The following OR2T1 variants were observed in gnomAD, a reference collection of about 807,000 sequenced individuals.
OR2T1 encodes the protein olfactory receptor 2T1.
For missense variants in OR2T1, 440 were observed against 390.2 expected (o/e 1.13, Z -1.07); for synonymous variants, 186 against 145.4 (o/e 1.28, Z -2.01).
At chr1:248,404,245 G>GGCTATTACATATACGTGTGTGTGTATA in intron 1 of OR2T1, among the ~76,000 whole-genome samples, 21 of 151,070 alleles carry the variant, frequency 1.4e-4, no homozygotes, top group South Asian at 2.1e-4. Flanking sequence ...AGACAGCAGA[G>GGCTATTACATATACGTGTGTGTGTATA]ACCACTGTTT....
rs1431306607 is a variant in OR2T1, at chr1:248,407,982, T to C, written c.*878T>C. 1 of 152,300 alleles carries C rather than the reference T, an allele frequency of 6.6e-6. No individual in the cohort carries two copies. Among genetic ancestry groups the C allele is most frequent in the African/African-American group, 2.4e-5 (1 of 41,466 alleles). The allele number at this position is 152,300 out of a possible 1,614,324, so 9.4% of individuals were successfully genotyped here. A position where few individuals can be genotyped will look rare whatever the true frequency, so the allele number is the denominator to read the frequency against. ...GTACAGGACAACTTGGGGCTTTTAA[T>C]TGGCACTGGAAATGGAAGGCAGTGT... On this transcript the variant is annotated 3_prime_UTR_variant, in exon 2 of 2. Transcript: ENST00000642005.
chr1:248,405,765 C>A (rs1051972641), intron 1 of OR2T1, among the ~76,000 whole-genome samples: 3 of 152,160 alleles, frequency 2.0e-5, no homozygotes, highest in African/African-American at 4.8e-5. Flanking sequence ...AATAATAATA[C>A]AAATTTAAAT....
intron 1 of OR2T1, among the ~76,000 whole-genome samples, chr1:248,405,556 T>G (rs1183075750): frequency 6.6e-6 from 1 of 152,198 alleles, no homozygotes; most frequent in Non-Finnish European, 1.5e-5. Flanking sequence ...TCTGTTGCCC[T>G]TTTTATTTCA....
In OR2T1 at chr1:248,406,827, T is replaced by C; in HGVS notation, c.680T>C (p.Met227Thr). Residue 227 changes from methionine (M) to threonine (T), a missense_variant, in exon 2 of 2, where the codon ATG (methionine) becomes ACG (threonine). Coordinates refer to ENST00000642005, the MANE Select transcript of OR2T1 (RefSeq NM_030904.2). Reference sequence around the variant, plus strand: ...CGAATCCTGACTACAGTTCAGTGCATGAGCTCAGTGGAGGGCAGGAAGAAG... The same window carrying C: ...CGAATCCTGACTACAGTTCAGTGCACGAGCTCAGTGGAGGGCAGGAAGAAG... Reference protein sequence around the residue: ...YARILTTVQCMSSVEGRKKAF... With the variant: ...YARILTTVQCTSSVEGRKKAF... The C allele has an allele frequency of 6.2e-7, 1 of 1,614,184 alleles. No homozygotes were observed. Among genetic ancestry groups the C allele is most frequent in the Middle Eastern group, 1.7e-4 (1 of 6,060 alleles).
chr1:248,405,835 G>C (rs1661541843), intron 1 of OR2T1, among the ~76,000 whole-genome samples: 1 of 152,192 alleles, frequency 6.6e-6, no homozygotes. Context: ...CTGCTGTGTA[G>C]CATGGTATGC....
rs1478605271 is a variant in OR2T1 at position 248,407,344 on chromosome 1, C to T, written c.*240C>T. Reference sequence around the variant, plus strand: ...CTTTTCACCTGCTTCTTTTTCTCCCCAAAGAAAGCCTTAGAAACTAAAAAT... The same window carrying T: ...CTTTTCACCTGCTTCTTTTTCTCCCTAAAGAAAGCCTTAGAAACTAAAAAT... On this transcript the variant is annotated 3_prime_UTR_variant, in exon 2 of 2. Transcript: ENST00000642005. 2.3e-6 allele frequency: 1 copy of T among 432,664 alleles called. No homozygotes were observed. The highest frequency in any genetic ancestry group is 4.0e-6 in the Non-Finnish European group (1 of 247,988). The allele number at this position is 432,664 out of a possible 1,614,324, so 26.8% of individuals were successfully genotyped here.
chr1:248,405,383 T>G (rs183440441), intron 1 of OR2T1, among the ~76,000 whole-genome samples: 10 of 152,296 alleles, frequency 6.6e-5, no homozygotes, highest in Admixed American at 4.6e-4. Flanking sequence ...CTCTGAATAT[T>G]AATTGCTAAT....
At position 248,406,389 on chromosome 1, in the gene OR2T1, T is replaced by C; in HGVS notation, c.242T>C (p.Leu81Pro). 6.2e-7 allele frequency: 1 copy of C among 1,614,178 alleles called. No individual in the cohort carries two copies. Among genetic ancestry groups the C allele is most frequent in the Non-Finnish European group, 8.5e-7 (1 of 1,180,016 alleles). ...ATTTCCACTATTGTGCCTAAGATGC[T>C]GGTTAATTACCTGCTGGATCAAAGG... ...MYISTIVPKM[L>P]VNYLLDQRTI... Residue 81 changes from leucine (L) to proline (P), a missense_variant, in exon 2 of 2, where the codon CTG becomes CCG. Physicochemically the swap from Leu to Pro is moderately conservative, Grantham distance 98. Transcript: ENST00000642005.
chr1:248,404,740 C>T (rs1661519888), intron 1 of OR2T1, among the ~76,000 whole-genome samples: 1 of 151,994 alleles, frequency 6.6e-6, no homozygotes, highest in African/African-American at 2.4e-5. Flanking sequence ...AGCAGGTTCA[C>T]ATGCTTGGTA....
At chr1:248,405,352 T>C (rs929773509) in intron 1 of OR2T1, among the ~76,000 whole-genome samples, 2 of 152,300 alleles carry the variant, frequency 1.3e-5, no homozygotes, top group South Asian at 2.1e-4. Context: ...TAGCTCAATG[T>C]TTACGTCCCT....
rs1343860353 is a variant in OR2T1, at chr1:248,403,180, C to CT, written c.-96dup. The CT allele has an allele frequency of 5.3e-5, 8 of 152,110 alleles. No individual in the cohort carries two copies. Among genetic ancestry groups the CT allele is most frequent in the Admixed American group, 4.6e-4 (7 of 15,246 alleles). The allele number at this position is 152,110 out of a possible 1,614,324, so 9.4% of individuals were successfully genotyped here. A position where few individuals can be genotyped will look rare whatever the true frequency, so the allele number is the denominator to read the frequency against. ...AAGGATACTTGGGGGAAAAGATAGA[C>CT]TTTAACTGCTGATGTAACTTCACTG... On this transcript the variant is annotated 5_prime_UTR_variant, in exon 1 of 2. Transcript: ENST00000642005.
At position 248,407,060 on chromosome 1, in the gene OR2T1, G is replaced by C; in HGVS notation, c.913G>C (p.Gly305Arg). 2 of 1,612,520 alleles carry C rather than the reference G, an allele frequency of 1.2e-6. No homozygotes were observed. The highest frequency in any genetic ancestry group is 1.7e-6 in the Non-Finnish European group (2 of 1,179,180). ...GACTGGAGCTCTGAAGAGGGCCTTG[G>C]GGAGGTTCAAGGGTCCTCAAAGGGT... The part of the protein sequence containing the change: ...DVTGALKRAL[G>R]RFKGPQRVSG... The change falls in exon 2 of 2, where the codon GGG (glycine) becomes CGG (arginine). Residue 305 changes from glycine (G) to arginine (R), a missense_variant. By Grantham distance (125) the Gly-to-Arg change is moderately radical. Transcript: ENST00000642005.
In OR2T1 at chr1:248,407,311, C is replaced by T. The variant is rs1661584463; in HGVS notation, c.*207C>T. 2 of 444,824 alleles carry T rather than the reference C, an allele frequency of 4.5e-6. No homozygotes were observed. The highest frequency in any genetic ancestry group is 7.8e-6 in the Non-Finnish European group (2 of 255,308). 27.6% of individuals were successfully genotyped at this position (444,824 alleles called of 1,614,324 possible). ...ACTGAATCTCTCTCTGTGATCTTCGCCTTCCCTCTTTTCACCTGCTTCTTT... is the reference window on the plus strand; with the variant it reads ...ACTGAATCTCTCTCTGTGATCTTCGTCTTCCCTCTTTTCACCTGCTTCTTT... On this transcript the variant is annotated 3_prime_UTR_variant, in exon 2 of 2. Coordinates refer to ENST00000642005, the MANE Select transcript of OR2T1 (RefSeq NM_030904.2).
chr1:248,404,195 CGT>C (rs140057819), intron 1 of OR2T1, among the ~76,000 whole-genome samples: 17 of 27,098 alleles, frequency 6.3e-4, no homozygotes, highest in South Asian at 1.2e-3. Flanking sequence ...ATTACATATA[CGT>C]GTGTGTGTGT....
Position 248,407,981 on chromosome 1 carries a change from A to T in OR2T1, c.*877A>T, listed in dbSNP as rs369329182. ...AGTACAGGACAACTTGGGGCTTTTA[A>T]TTGGCACTGGAAATGGAAGGCAGTG... is the stretch of plus-strand genomic sequence containing the variant. On this transcript the variant is annotated 3_prime_UTR_variant, in exon 2 of 2. Coordinates refer to ENST00000642005, the MANE Select transcript of OR2T1 (RefSeq NM_030904.2). 7.9e-5 allele frequency: 12 copies of T among 152,412 alleles called. No individual in the cohort carries two copies. The East Asian group carries it at 2.3e-3, about 29-fold the overall frequency. 9.4% of individuals were successfully genotyped at this position (152,412 alleles called of 1,614,324 possible).
At position 248,406,692 on chromosome 1, in the gene OR2T1, C is replaced by G. The variant is rs1388417607; in HGVS notation, c.545C>G (p.Ala182Gly). The change falls in exon 2 of 2, where the codon GCA becomes GGA. Residue 182 changes from alanine (A) to glycine (G), a missense_variant. Ala to Gly is a moderately conservative substitution (Grantham distance 60, BLOSUM62 0). Transcript: ENST00000642005. ...EINHFFCEAPAVLKLACADTA... is the reference protein window; with the variant it reads ...EINHFFCEAPGVLKLACADTA... ...AACCACTTCTTCTGTGAGGCACCAG[C>G]AGTCCTGAAGTTGGCATGTGCAGAC... 6.2e-7 allele frequency: 1 copy of G among 1,614,104 alleles called. No individual in the cohort carries two copies. The highest frequency in any genetic ancestry group is 1.7e-5 in the Admixed American group (1 of 60,012).
chr1:248,406,520 A>C lies in OR2T1; in HGVS notation c.373A>C (p.Ile125Leu), dbSNP rs1661561256. The change falls in exon 2 of 2, where the codon ATT (isoleucine) becomes CTT (leucine). Residue 125 changes from isoleucine to leucine, a missense_variant. Transcript: ENST00000642005. ...CATGGCCTATGACCGCTATGTGGCC[A>C]TTTGCAACCCTCTGAGATACCCTGT... is the stretch of plus-strand genomic sequence containing the variant. ...GLMAYDRYVA[I>L]CNPLRYPVLM... The C allele has an allele frequency of 6.2e-7, 1 of 1,614,088 alleles. No homozygotes were observed. The highest frequency in any genetic ancestry group is 1.1e-5 in the South Asian group (1 of 91,074).
Position 248,406,873 on chromosome 1 carries a change from C to T in OR2T1, c.726C>T (p.Ser242=), listed in dbSNP as rs761719351. The T allele has an allele frequency of 6.2e-7, 1 of 1,614,004 alleles. No individual in the cohort carries two copies. Among genetic ancestry groups the T allele is most frequent in the African/African-American group, 1.3e-5 (1 of 74,930 alleles). The change falls in exon 2 of 2, where the codon TCC becomes TCT. Residue 242 remains serine (S), a synonymous_variant. Transcript: ENST00000642005. ...AGAAGGCATTTGCCACTTGCTCATC[C>T]CACATGACTGTGGTGTCCTTGTTCT... ...GRKKAFATCS[S]HMTVVSLFYG... is the part of the protein sequence containing the mutation.
intron 1 of OR2T1, among the ~76,000 whole-genome samples, chr1:248,404,245 G>GGGCGCTATTACATATACGTGTGTGTGTAT: frequency 2.0e-5 from 3 of 151,084 alleles, no homozygotes; most frequent in African/African-American, 7.3e-5. Context: ...AGACAGCAGA[G>GGGCGCTATTACATATACGTGTGTGTGTAT]ACCACTGTTT....
Sources: gnomAD v4.1 joint callset for allele counts (sites outside exome capture counted in the v4.1 genomes callset) on GRCh38, gnomAD v4.1.1 for gene constraint, MANE v1.5 for transcripts, NCBI Gene and HGNC (gene_info 2026-07-23, HGNC 2026-07-21) for gene names.